The following CHN1 variants were observed in gnomAD, a reference collection of about 807,000 sequenced individuals.
CHN1 encodes the protein chimerin 1, also known as N-chimaerin.
CHN1 carries 37 observed loss-of-function variants against 59.5 expected under a neutral mutation model. That is an observed-to-expected ratio of 0.62 (90% CI 0.48 to 0.82). The LOEUF is 0.82. CHN1 is among the 40% of genes least tolerant of loss of function. CHN1 has a pLI of 0.00. For missense variants in CHN1, 469 were observed against 571.0 expected, an observed-to-expected ratio of 0.82 and a Z score of 1.82; for synonymous variants, 206 against 200.4, an observed-to-expected ratio of 1.03 and a Z score of -0.24.
chr2:174,936,381 A>G (rs1689496506), intron 3 of CHN1, among the ~76,000 whole-genome samples: 1 of 152,230 alleles, frequency 6.6e-6, no homozygotes, highest in Non-Finnish European at 1.5e-5. Context: ...TGAACAAAAG[A>G]TATGGAGCTT....
intron 1 of CHN1, among the ~76,000 whole-genome samples, chr2:174,960,062 C>A (rs1394531276): frequency 6.6e-6 from 1 of 152,138 alleles, no homozygotes; most frequent in Non-Finnish European, 1.5e-5. Flanking sequence ...ACTGGGAAAG[C>A]CTCCTGGGGC....
chr2:174,807,855 C>T (rs930950746), intron 11 of CHN1, among the ~76,000 whole-genome samples: 6 of 152,076 alleles, frequency 3.9e-5, no homozygotes, highest in Non-Finnish European at 8.8e-5. Flanking sequence ...ATTAGTGTTA[C>T]TAAGGAAGTG....
At chr2:174,845,939 G>C (rs1686496895) in intron 7 of CHN1, among the ~76,000 whole-genome samples, 1 of 152,078 alleles carries the variant, frequency 6.6e-6, no homozygotes, top group African/African-American at 2.4e-5. Flanking sequence ...GAAAGATCAT[G>C]ATTTCCAGCT....
intron 5 of CHN1, among the ~76,000 whole-genome samples, chr2:174,909,231 A>G (rs1483876906): frequency 6.6e-6 from 1 of 152,192 alleles, no homozygotes; most frequent in Non-Finnish European, 1.5e-5. Flanking sequence ...ACTTAGCTAT[A>G]GTTAACTATC....
intron 1 of CHN1, among the ~76,000 whole-genome samples, chr2:174,958,765 C>T (rs1297384319): frequency 6.6e-6 from 1 of 152,158 alleles, no homozygotes; most frequent in East Asian, 1.9e-4. Context: ...AATTAGGTAT[C>T]ATCTATAAAG....
At position 174,897,913 on chromosome 2, in the gene CHN1, A is replaced by C. The variant is rs183962621; in HGVS notation, c.260+17145T>G. ...AGTGACTTGCTCCTAAATCTGACAG[A>C]AATCTTTTATTTCTGCCGCAGAGAC... On this transcript the variant is annotated intron_variant, in intron 5 of 12. Transcript: ENST00000409900. Among the ~76,000 whole-genome samples the C allele has an allele frequency of 5.3e-5, 8 of 152,126 alleles. No individual in the cohort carries two copies. The South Asian group carries it at 1.5e-3, about 28-fold the overall frequency.
intron 5 of CHN1, among the ~76,000 whole-genome samples, chr2:174,885,642 C>A (rs886768809): frequency 6.6e-6 from 1 of 152,050 alleles, no homozygotes; most frequent in Non-Finnish European, 1.5e-5. Context: ...CCAAGCCCAG[C>A]TAATATTTAG....
intron 1 of CHN1, among the ~76,000 whole-genome samples, chr2:174,954,682 C>T (rs1690130162): frequency 1.3e-5 from 2 of 151,956 alleles, no homozygotes; most frequent in Admixed American, 1.3e-4. Flanking sequence ...AGTCAACAAA[C>T]ATGAAAAAAT....
At chr2:174,820,070 G>T (rs2105395516) in intron 8 of CHN1, among the ~76,000 whole-genome samples, 1 of 152,046 alleles carries the variant, frequency 6.6e-6, no homozygotes, top group African/African-American at 2.4e-5. Context: ...ATCAATCATT[G>T]TTGGACATTT....
At chr2:174,986,355 T>C (rs891252947) in intron 1 of CHN1, among the ~76,000 whole-genome samples, 3 of 152,204 alleles carry the variant, frequency 2.0e-5, no homozygotes, top group African/African-American at 4.8e-5. Flanking sequence ...TTCTAAAATA[T>C]AGTGGAACTA....
chr2:174,883,183 G>C (rs770117492), intron 5 of CHN1, among the ~76,000 whole-genome samples: 4 of 152,144 alleles, frequency 2.6e-5, no homozygotes, highest in African/African-American at 9.7e-5. Context: ...CTCGAAGTCC[G>C]TTTAAAAAGC....
chr2:174,854,034 T>C (rs1686825814), intron 6 of CHN1, among the ~76,000 whole-genome samples: 2 of 152,136 alleles, frequency 1.3e-5, no homozygotes, highest in Admixed American at 1.3e-4. Context: ...CCTGCACATG[T>C]ACGCCCTGTA....
intron 8 of CHN1, among the ~76,000 whole-genome samples, chr2:174,814,319 C>T (rs1685171510): frequency 6.6e-6 from 1 of 152,224 alleles, no homozygotes; most frequent in South Asian, 2.1e-4. Flanking sequence ...AATGACCCAA[C>T]ACTATTCTGT....
intron 7 of CHN1, among the ~76,000 whole-genome samples, chr2:174,831,910 G>A (rs1392856658): frequency 6.6e-6 from 1 of 152,024 alleles, no homozygotes; most frequent in Admixed American, 6.6e-5. Flanking sequence ...AAATAAATAA[G>A]TAAATGGTTG....
chr2:174,981,277 T>TA lies in CHN1; in HGVS notation c.19+23616dup, dbSNP rs200346787. On this transcript the variant is annotated intron_variant, in intron 1 of 12. Transcript: ENST00000409900. ...ATAAACAAAGAGATGTGAGATCAGC[T>TA]AAAAAAAAATTCATGGGTGTGGGCT... Among the ~76,000 whole-genome samples the TA allele has an allele frequency of 1.8e-3, 266 of 151,640 alleles. 1 individual carries two copies. The highest frequency in any genetic ancestry group is 0.015 in the East Asian group (76 of 5,174).
At chr2:174,892,955 T>A (rs570212833) in intron 5 of CHN1, among the ~76,000 whole-genome samples, 41 of 152,080 alleles carry the variant, frequency 2.7e-4, no homozygotes, top group Non-Finnish European at 4.9e-4. Flanking sequence ...AAACTGGGAA[T>A]AGAAGGAAAT....
At chr2:175,004,597 C>T (rs1407859625) in intron 1 of CHN1, among the ~76,000 whole-genome samples, 2 of 152,212 alleles carry the variant, frequency 1.3e-5, no homozygotes, top group African/African-American at 4.8e-5. Flanking sequence ...TAACTTCACT[C>T]CCAAGTTGGC....
At chr2:174,836,954 T>TTG (rs1366582582) in intron 7 of CHN1, among the ~76,000 whole-genome samples, 1 of 151,962 alleles carries the variant, frequency 6.6e-6, no homozygotes, top group Non-Finnish European at 1.5e-5. Flanking sequence ...GAAGAAAGAG[T>TTG]TGGGAAACAG....
At chr2:174,942,927 T>C (rs967016555) in intron 3 of CHN1, among the ~76,000 whole-genome samples, 222 of 152,078 alleles carry the variant, frequency 1.5e-3, no homozygotes, top group Non-Finnish European at 5.1e-4. Flanking sequence ...GGCACATGCC[T>C]GTAGTCCCAG....
Sources: gnomAD v4.1 joint callset for allele counts (sites outside exome capture counted in the v4.1 genomes callset) on GRCh38, gnomAD v4.1.1 for gene constraint, MANE v1.5 for transcripts, NCBI Gene and HGNC (gene_info 2026-07-23, HGNC 2026-07-21) for gene names.